Variants in GNRH1 observed in about 807,000 individuals in gnomAD.
GNRH1 encodes gonadotropin releasing hormone 1, also known as progonadoliberin-1.
A neutral mutation model predicts 13.6 loss-of-function variants in GNRH1; 9 were observed. The observed-to-expected ratio is 0.66, with a 90% CI of 0.40 to 1.15. The LOEUF (loss-of-function observed/expected upper bound fraction) is 1.15. Ranked by LOEUF, GNRH1 falls within the 50% of genes most tolerant of loss-of-function variation. The probability of loss-of-function intolerance (pLI) is 0.01; values close to 1 mark genes in which losing one functional copy is unlikely to be tolerated. For synonymous variants in GNRH1, 44 were observed against 40.1 expected, an observed-to-expected ratio of 1.10 and a Z score of -0.37; for missense variants, 116 against 110.8, an observed-to-expected ratio of 1.05 and a Z score of -0.21.
intron 3 of GNRH1, among the ~76,000 whole-genome samples, chr8:25,419,833 G>T (rs1398343316): frequency 6.6e-6 from 1 of 152,008 alleles, no homozygotes; most frequent in East Asian, 1.9e-4. Context: ...TGTTGGCCAG[G>T]CTGGTCTTGA....
Position 25,423,307 on chromosome 8 carries a change from T to C in GNRH1, c.24A>G (p.Leu8=). The C allele has an allele frequency of 6.2e-7, 1 of 1,612,748 alleles. No homozygotes were observed. Among genetic ancestry groups the C allele is most frequent in the Non-Finnish European group, 8.5e-7 (1 of 1,178,778 alleles). Residue 8 remains leucine, a synonymous_variant, in exon 2 of 4, where the codon CTA becomes CTG. Coordinates refer to ENST00000421054, the MANE Select transcript of GNRH1 (RefSeq NM_001083111.2). Reference sequence around the variant, plus strand: ...ACCAAGTCAGTAGAATAAGGCCAGCTAGGAGTTTTTGAATTGGCTTCATTC... The same window carrying C: ...ACCAAGTCAGTAGAATAAGGCCAGCCAGGAGTTTTTGAATTGGCTTCATTC... The part of the protein sequence containing the change: MKPIQKL[L]AGLILLTWCV...
rs1801742903 is a variant in GNRH1, at chr8:25,419,324, T to G, written c.*95A>C. The stretch of plus-strand genomic sequence containing the variant: ...TTGGTGTAAGGATTTCTGAAATTCA[T>G]ACCATTTACAGGTATTTAATGGGTT... On this transcript the variant is annotated 3_prime_UTR_variant, in exon 4 of 4. Coordinates refer to ENST00000421054, the MANE Select transcript of GNRH1 (RefSeq NM_001083111.2). The G allele has an allele frequency of 1.3e-6, 1 of 788,676 alleles. No homozygotes were observed. The highest frequency in any genetic ancestry group is 1.4e-5 in the South Asian group (1 of 73,834). The allele number at this position is 788,676 out of a possible 1,614,324, so 48.9% of individuals were successfully genotyped here.
chr8:25,423,890 GT>G (rs1801808210), intron 1 of GNRH1: 3 of 154,594 alleles, frequency 1.9e-5, no homozygotes, highest in Non-Finnish European at 1.4e-5. Context: ...GTTCAAAGTA[GT>G]TAGTCCCAGA....
In GNRH1 at chr8:25,423,268, G is replaced by A. The variant is rs1360890779; in HGVS notation, c.63C>T (p.Cys21=). Residue 21 remains cysteine, a synonymous_variant, in exon 2 of 4, where the codon TGC becomes TGT. Coordinates refer to ENST00000421054, the MANE Select transcript of GNRH1 (RefSeq NM_001083111.2). ...GTCCATAGGACCAGTGCTGGCTGGAGCAGCCTTCCACGCACCAAGTCAGTA... is the reference window on the plus strand; with the variant it reads ...GTCCATAGGACCAGTGCTGGCTGGAACAGCCTTCCACGCACCAAGTCAGTA... ...LILLTWCVEG[C]SSQHWSYGLR... 1.2e-6 allele frequency: 2 copies of A among 1,611,452 alleles called. No individual in the cohort carries two copies. Among genetic ancestry groups the A allele is most frequent in the Admixed American group, 3.3e-5 (2 of 60,010 alleles).
At chr8:25,423,513 T>G in intron 1 of GNRH1, 182 bp from the exon 2 acceptor site, 1 of 626,224 alleles carries the variant, frequency 1.6e-6, no homozygotes, top group South Asian at 1.9e-5. Context: ...TTTAGTTTCT[T>G]AGCCACTGGG....
At chr8:25,424,389 C>T (rs1165596266), upstream of GNRH1, 1 of 150,728 alleles carries the variant, frequency 6.6e-6, no homozygotes, top group Non-Finnish European at 1.5e-5. Flanking sequence ...TTTAAAAATC[C>T]TCACATAAAG....
At chr8:25,422,952 G>A (rs1307660590) in intron 2 of GNRH1, among the ~76,000 whole-genome samples, 2 of 152,094 alleles carry the variant, frequency 1.3e-5, no homozygotes, top group Non-Finnish European at 1.5e-5. Flanking sequence ...AGAGTATGAC[G>A]TGCTGTCTCA....
At chr8:25,423,360 A>G (rs765427927) in intron 1 of GNRH1, 29 bp from the exon 2 acceptor site, 256 of 1,603,860 alleles carry the variant, frequency 1.6e-4, no homozygotes, top group Non-Finnish European at 2.1e-4. Flanking sequence ...CAATCAAATT[A>G]GATCCAGACA....
intron 3 of GNRH1, among the ~76,000 whole-genome samples, chr8:25,420,927 A>G (rs1180445530): frequency 6.6e-6 from 1 of 152,162 alleles, no homozygotes; most frequent in African/African-American, 2.4e-5. Flanking sequence ...CAATTTATAC[A>G]TTCAATTCTC....
chr8:25,423,205 A>G lies in GNRH1; in HGVS notation c.126T>C (p.Ile42=). The part of the protein sequence containing the change: ...PGGKRDAENL[I]DSFQEIVKEV... ...AGAAACTTACCTCTTGGAAAGAATCAATCAAATTTTCGGCATCTCTCTTTC... is the reference window on the plus strand; with the variant it reads ...AGAAACTTACCTCTTGGAAAGAATCGATCAAATTTTCGGCATCTCTCTTTC... Residue 42 remains isoleucine, a synonymous_variant, in exon 2 of 4, where the codon ATT becomes ATC. Transcript: ENST00000421054. 6.2e-7 allele frequency: 1 copy of G among 1,611,946 alleles called. No homozygotes were observed. The highest frequency in any genetic ancestry group is 1.7e-4 in the Middle Eastern group (1 of 6,052).
Sources: gnomAD v4.1 joint callset for allele counts (sites outside exome capture counted in the v4.1 genomes callset) on GRCh38, gnomAD v4.1.1 for gene constraint, MANE v1.5 for transcripts, NCBI Gene and HGNC (gene_info 2026-07-23, HGNC 2026-07-21) for gene names.